METTL24: variants seen among roughly 807,000 people sequenced by gnomAD.
METTL24 encodes methyltransferase like 24, also known as probable methyltransferase-like protein 24.
METTL24 carries 29 observed loss-of-function variants against 32.7 expected under a neutral mutation model. The ratio of observed to expected loss-of-function variants is 0.89; its 90% CI spans 0.66 to 1.21. The LOEUF (loss-of-function observed/expected upper bound fraction) is 1.21. Among genes scored for constraint, METTL24 ranks in the 50% most tolerant of loss-of-function variants. METTL24 has a pLI of 0.00. For missense variants in METTL24, 439 were observed against 468.1 expected (o/e 0.94, Z 0.57); for synonymous variants, 163 against 179.5 (o/e 0.91, Z 0.73).
intron 3 of METTL24, among the ~76,000 whole-genome samples, chr6:110,306,079 T>A (rs1771622517): frequency 6.6e-6 from 1 of 151,196 alleles, no homozygotes; most frequent in South Asian, 2.1e-4. Flanking sequence ...CACCACATGT[T>A]CTCACTCATA....
intron 4 of METTL24, among the ~76,000 whole-genome samples, chr6:110,265,436 C>T (rs73765691): frequency 0.072 from 10,886 of 152,198 alleles, 577 homozygotes; most frequent in African/African-American, 0.16. Flanking sequence ...ATCCATTCTT[C>T]CTTCTTCTTC....
chr6:110,261,874 C>T (rs1332043354), intron 4 of METTL24, among the ~76,000 whole-genome samples: 1 of 152,078 alleles, frequency 6.6e-6, no homozygotes, highest in Non-Finnish European at 1.5e-5. Flanking sequence ...CTACTGGGTA[C>T]ATAACGAAAT....
chr6:110,279,773 C>T (rs1489303652), intron 4 of METTL24, among the ~76,000 whole-genome samples: 1 of 152,076 alleles, frequency 6.6e-6, no homozygotes, highest in Non-Finnish European at 1.5e-5. Context: ...CCAAAGACAC[C>T]CCTTAACCCC....
intron 4 of METTL24, among the ~76,000 whole-genome samples, chr6:110,252,307 T>C (rs1778296075): frequency 6.6e-6 from 1 of 152,214 alleles, no homozygotes; most frequent in Non-Finnish European, 1.5e-5. Context: ...GTCAGCAGGT[T>C]TGGTTTCTCC....
intron 4 of METTL24, among the ~76,000 whole-genome samples, chr6:110,283,219 T>C (rs1771167352): frequency 6.6e-6 from 1 of 152,160 alleles, no homozygotes. Context: ...CACTTTTATA[T>C]CCACTACACT....
intron 4 of METTL24, among the ~76,000 whole-genome samples, chr6:110,259,062 C>G (rs1364531982): frequency 6.6e-6 from 1 of 152,144 alleles, no homozygotes; most frequent in Non-Finnish European, 1.5e-5. Flanking sequence ...TGAATGATTT[C>G]TGCATTTCCA....
chr6:110,263,580 G>A (rs776813128), intron 4 of METTL24, among the ~76,000 whole-genome samples: 8 of 152,182 alleles, frequency 5.3e-5, no homozygotes, highest in East Asian at 1.9e-4. Context: ...CATCCCCATC[G>A]AGCTACCAAT....
intron 4 of METTL24, among the ~76,000 whole-genome samples, chr6:110,278,693 T>A (rs889857605): frequency 6.6e-6 from 1 of 152,160 alleles, no homozygotes; most frequent in Non-Finnish European, 1.5e-5. Flanking sequence ...AGTTGCATTA[T>A]AAGAGAACAG....
intron 4 of METTL24, among the ~76,000 whole-genome samples, chr6:110,270,837 C>CTT (rs3075091): frequency 0.11 from 13,326 of 124,602 alleles, 928 homozygotes; most frequent in African/African-American, 0.18. Context: ...CATCTTGATT[C>CTT]TTTTTTTTTT....
At chr6:110,260,159 A>G (rs1315636247) in intron 4 of METTL24, among the ~76,000 whole-genome samples, 1 of 152,158 alleles carries the variant, frequency 6.6e-6, no homozygotes, top group Non-Finnish European at 1.5e-5. Context: ...AGACAATCAA[A>G]CTTCTCCGAA....
intron 4 of METTL24, among the ~76,000 whole-genome samples, chr6:110,289,589 T>C (rs1172266073): frequency 2.0e-5 from 3 of 151,800 alleles, no homozygotes; most frequent in Admixed American, 2.0e-4. Flanking sequence ...TACCCTAACA[T>C]AGGTCAGAGT....
chr6:110,346,095 T>C (rs1562244836), intron 1 of METTL24, among the ~76,000 whole-genome samples: 2 of 152,236 alleles, frequency 1.3e-5, no homozygotes, highest in Non-Finnish European at 2.9e-5. Flanking sequence ...GCAAAGTGAA[T>C]GCTGGGTTAT....
chr6:110,327,677 T>G (rs1772039427), intron 1 of METTL24, among the ~76,000 whole-genome samples: 1 of 152,246 alleles, frequency 6.6e-6, no homozygotes, highest in Non-Finnish European at 1.5e-5. Context: ...AATTATCATT[T>G]GTCTTAATTC....
chr6:110,259,452 TAAAC>T (rs1778448106), intron 4 of METTL24, among the ~76,000 whole-genome samples: 1 of 152,120 alleles, frequency 6.6e-6, no homozygotes, highest in African/African-American at 2.4e-5. Context: ...CTTGAGTAGG[TAAAC>T]AAAGCGGCCA....
At chr6:110,334,386 G>A (rs769442637) in intron 1 of METTL24, among the ~76,000 whole-genome samples, 5 of 152,204 alleles carry the variant, frequency 3.3e-5, no homozygotes, top group Non-Finnish European at 7.3e-5. Context: ...GCCACAGAGA[G>A]CACCCAAAAC....
chr6:110,355,035 A>C, intron 1 of METTL24, among the ~76,000 whole-genome samples: 1 of 152,224 alleles, frequency 6.6e-6, no homozygotes, highest in Admixed American at 6.5e-5. Flanking sequence ...CTGGGGTCTC[A>C]GGAGTAAACA....
intron 4 of METTL24, among the ~76,000 whole-genome samples, chr6:110,268,435 A>G (rs1770897755): frequency 6.6e-6 from 1 of 152,210 alleles, no homozygotes; most frequent in African/African-American, 2.4e-5. Flanking sequence ...TTCATAACTT[A>G]ACAGTTCCTT....
chr6:110,315,602 C>T, intron 2 of METTL24, 121 bp from the exon 3 acceptor site: 1 of 993,216 alleles, frequency 1.0e-6, no homozygotes, highest in Middle Eastern at 3.0e-4. Context: ...TCCTCCACTG[C>T]TAACAACTCC....
At chr6:110,318,152 G>A (rs967471438) in intron 2 of METTL24, among the ~76,000 whole-genome samples, 51 of 152,344 alleles carry the variant, frequency 3.3e-4, no homozygotes, top group African/African-American at 1.2e-3. Flanking sequence ...GATCCGCAGT[G>A]AGGGCTTTCA....
Sources: allele counts gnomAD v4.1 joint callset (sites outside exome capture counted in the v4.1 genomes callset), GRCh38; gene constraint gnomAD v4.1.1; transcripts MANE v1.5; gene names NCBI Gene and HGNC (gene_info 2026-07-23, HGNC 2026-07-21).